The following USP30 variants were observed in gnomAD, a reference collection of about 807,000 sequenced individuals.
USP30 encodes ubiquitin specific peptidase 30, also known as ubiquitin carboxyl-terminal hydrolase 30.
A neutral mutation model predicts 68.2 loss-of-function variants in USP30; 41 were observed. The ratio of observed to expected loss-of-function variants is 0.60; its 90% CI spans 0.47 to 0.78. The LOEUF (loss-of-function observed/expected upper bound fraction) is 0.78. Ranked by LOEUF, USP30 falls within the 30% of genes least tolerant of loss-of-function variation. The pLI is 0.00. For missense variants in USP30, 522 were observed against 649.4 expected (o/e 0.80, Z 2.13); for synonymous variants, 229 against 253.7 (o/e 0.90, Z 0.93).
chr12:109,058,513 G>A (rs1341035931), intron 3 of USP30, among the ~76,000 whole-genome samples: 2 of 151,734 alleles, frequency 1.3e-5, no homozygotes, highest in Non-Finnish European at 2.9e-5. Context: ...CGGAGGTTGC[G>A]GTGAGCTGAG....
intron 3 of USP30, among the ~76,000 whole-genome samples, chr12:109,036,576 G>A (rs1434488794): frequency 6.6e-6 from 1 of 152,090 alleles, no homozygotes; most frequent in African/African-American, 2.4e-5. Context: ...GGGATTACAG[G>A]TGCCCTTTAG....
intron 3 of USP30, among the ~76,000 whole-genome samples, chr12:109,042,235 G>T (rs1330374558): frequency 6.7e-6 from 1 of 150,192 alleles, no homozygotes; most frequent in Non-Finnish European, 1.5e-5. Flanking sequence ...CAATTTTGAT[G>T]CTGTGTTTCC....
At chr12:109,082,283 C>G (rs551415677) in intron 9 of USP30, among the ~76,000 whole-genome samples, 1 of 152,224 alleles carries the variant, frequency 6.6e-6, no homozygotes, top group Non-Finnish European at 1.5e-5. Context: ...CAGTTGCCTC[C>G]AATCCCATTT....
intron 7 of USP30, 145 bp downstream of exon 7, chr12:109,073,677 C>T: frequency 1.5e-6 from 1 of 673,820 alleles, no homozygotes. Flanking sequence ...GACTACCCCA[C>T]TTTGGTCAGT....
chr12:109,058,113 C>T lies in USP30; in HGVS notation c.376+5C>T. On this transcript the variant is annotated splice_donor_5th_base_variant and intron_variant, in intron 3 of 12. Coordinates refer to ENST00000257548, the MANE Select transcript of USP30 (RefSeq NM_032663.5). ...CACTCTTGCACCTTCTGAAAGGTATCTAGATGGGAATTTCAAGGGAATTAT... is the reference window on the plus strand; with the variant it reads ...CACTCTTGCACCTTCTGAAAGGTATTTAGATGGGAATTTCAAGGGAATTAT... 6.3e-7 allele frequency: 1 copy of T among 1,590,962 alleles called. No homozygotes were observed. Among genetic ancestry groups the T allele is most frequent in the Non-Finnish European group, 8.5e-7 (1 of 1,169,978 alleles).
At chr12:109,046,187 G>GC (rs567469366) in intron 3 of USP30, among the ~76,000 whole-genome samples, 24 of 130,932 alleles carry the variant, frequency 1.8e-4, no homozygotes, top group African/African-American at 4.2e-4. Context: ...TGGAACCTCC[G>GC]CCCCCCCGGG....
chr12:109,055,133 A>G (rs1221357713), intron 1 of USP30, among the ~76,000 whole-genome samples: 2 of 151,894 alleles, frequency 1.3e-5, no homozygotes, highest in Non-Finnish European at 2.9e-5. Flanking sequence ...ATAACTTTGT[A>G]TAAAAACAAT....
At chr12:109,032,078 T>G (rs2040486269) in intron 3 of USP30, among the ~76,000 whole-genome samples, 1 of 139,552 alleles carries the variant, frequency 7.2e-6, no homozygotes, top group Non-Finnish European at 1.5e-5. Flanking sequence ...CTCCAAACTG[T>G]GTGGCAGAGT....
intron 11 of USP30, among the ~76,000 whole-genome samples, chr12:109,084,607 T>C (rs7296509): frequency 0.18 from 27,551 of 152,218 alleles, 2,617 homozygotes; most frequent in Middle Eastern, 0.24. Context: ...AAAACCATCA[T>C]GGTGCTGCTG....
chr12:109,023,616 C>T lies in USP30; in HGVS notation c.-498+449C>T, dbSNP rs1482437724. On this transcript the variant is annotated intron_variant, in intron 1 of 15. Transcript: ENST00000392784. ...TCCCATTTCAGCTTCTACTCATGTG[C>T]CTTAATCAGGACTTTTTTTTTTTTT... is the stretch of plus-strand genomic sequence containing the variant. Among the ~76,000 whole-genome samples, 3 of 142,488 alleles carry T rather than the reference C, an allele frequency of 2.1e-5. No individual in the cohort carries two copies. In the East Asian group the frequency reaches 6.6e-4, roughly 31 times the overall value. 93.5% of individuals were successfully genotyped at this position (142,488 alleles called of 152,430 possible). A position where few individuals can be genotyped will look rare whatever the true frequency, so the allele number is the denominator to read the frequency against.
intron 7 of USP30, among the ~76,000 whole-genome samples, chr12:109,079,160 C>T (rs1178231418): frequency 1.3e-5 from 2 of 151,666 alleles, no homozygotes; most frequent in Non-Finnish European, 2.9e-5. Context: ...GTTATTTTTT[C>T]AACAAAGATT....
At chr12:109,035,232 T>C (rs1274992426) in intron 3 of USP30, among the ~76,000 whole-genome samples, 1 of 152,148 alleles carries the variant, frequency 6.6e-6, no homozygotes, top group Non-Finnish European at 1.5e-5. Context: ...TTGTGTTCAA[T>C]ATATATTTTC....
chr12:109,086,009 G>A lies in USP30; in HGVS notation c.*78G>A, dbSNP rs961843737. The stretch of plus-strand genomic sequence containing the variant: ...AAAAAGTAAAACTGTACTGTTGCGT[G>A]TGCAAGCGGCCCCACTAGAGCCTTC... On this transcript the variant is annotated 3_prime_UTR_variant, in exon 13 of 13. Transcript: ENST00000257548. 4 of 1,500,078 alleles carry A rather than the reference G, an allele frequency of 2.7e-6. No individual in the cohort carries two copies. Among genetic ancestry groups the A allele is most frequent in the East Asian group, 4.9e-5 (2 of 40,738 alleles). The allele number at this position is 1,500,078 out of a possible 1,614,324, so 92.9% of individuals were successfully genotyped here.
chr12:109,054,103 G>A, intron 1 of USP30: 1 of 454,608 alleles, frequency 2.2e-6, no homozygotes, highest in Non-Finnish European at 4.4e-6. Context: ...GTTTGATTAG[G>A]GGATTTTAAA....
Position 109,082,533 on chromosome 12 carries a change from A to C in USP30, c.868-130A>C, listed in dbSNP as rs180835502. 722 of 759,124 alleles carry C rather than the reference A, an allele frequency of 9.5e-4. 1 individual carries two copies. The highest frequency in any genetic ancestry group is 2.2e-3 in the Admixed American group (81 of 36,080). 47.0% of individuals were successfully genotyped at this position (759,124 alleles called of 1,614,324 possible). A position where few individuals can be genotyped will look rare whatever the true frequency, so the allele number is the denominator to read the frequency against. On this transcript the variant is annotated intron_variant, in intron 9 of 12. Transcript: ENST00000257548. ...GAAAACAATTCACAAATAACTGGGC[A>C]GCTGGGTTCATTTCAGCAGGTAGCA...
Position 109,055,400 on chromosome 12 carries a change from A to ATTTTTTTTTTTTTTT in USP30, c.84-1276_84-1262dup, listed in dbSNP as rs869090869. On this transcript the variant is annotated intron_variant, in intron 1 of 12. Transcript: ENST00000257548. ...TATACATATATATATATATATATAT[A>ATTTTTTTTTTTTTTT]TTTTTTTTTTTTTTTTTTTTGAGGC... Among the ~76,000 whole-genome samples, 7 of 24,474 alleles carry ATTTTTTTTTTTTTTT rather than the reference A, an allele frequency of 2.9e-4. 2 individuals are homozygous for ATTTTTTTTTTTTTTT. Among genetic ancestry groups the ATTTTTTTTTTTTTTT allele is most frequent in the African/African-American group, 5.5e-4 (5 of 9,022 alleles). The allele number at this position is 24,474 out of a possible 152,430, so 16.1% of individuals were successfully genotyped here. A position where few individuals can be genotyped will look rare whatever the true frequency, so the allele number is the denominator to read the frequency against.
Position 109,058,095 on chromosome 12 carries a change from G to A in USP30, c.363G>A (p.Leu121=), listed in dbSNP as rs1239700271. Residue 121 remains leucine, a synonymous_variant, in exon 3 of 13, where the codon TTG becomes TTA. Transcript: ENST00000257548. ...ACCAGTATTTATCCTTAACACTCTT[G>A]CACCTTCTGAAAGGTATCTAGATGG... ...PSHQYLSLTL[L]HLLKALSCQE... The A allele has an allele frequency of 6.2e-7, 1 of 1,608,024 alleles. No homozygotes were observed. Among genetic ancestry groups the A allele is most frequent in the Non-Finnish European group, 8.5e-7 (1 of 1,178,062 alleles).
rs1566087099 is a variant in USP30 at position 109,057,930 on chromosome 12, T to C, written c.198T>C (p.Leu66=). ...TTCCCCCTGCTTTTTTTTTAGGGCT[T>C]GTGCCTGGCCTTGTTAATTTAGGGA... ...ITERKKRRKG[L]VPGLVNLGNT... The change falls in exon 3 of 13, where the codon CTT becomes CTC. Residue 66 remains leucine (L), a synonymous_variant. Transcript: ENST00000257548. 6.2e-7 allele frequency: 1 copy of C among 1,611,398 alleles called. No homozygotes were observed.
At chr12:109,051,039 G>A (rs1443574743), upstream of USP30, among the ~76,000 whole-genome samples, 2 of 151,970 alleles carry the variant, frequency 1.3e-5, no homozygotes, top group African/African-American at 4.8e-5. Context: ...ACATAGAAAT[G>A]ACATATTTTG....
Sources: gnomAD v4.1 joint callset for allele counts (sites outside exome capture counted in the v4.1 genomes callset) on GRCh38, gnomAD v4.1.1 for gene constraint, MANE v1.5 for transcripts, NCBI Gene and HGNC (gene_info 2026-07-23, HGNC 2026-07-21) for gene names.